SMARCC1: variants seen among roughly 807,000 people sequenced by gnomAD.
SMARCC1 encodes the protein SWI/SNF related BAF chromatin remodeling complex subunit C1.
In SMARCC1, 43 loss-of-function variants were observed where a neutral mutation model predicts 147.4. The ratio of observed to expected loss-of-function variants is 0.29; its 90% CI spans 0.23 to 0.38. The LOEUF (loss-of-function observed/expected upper bound fraction) is 0.38. Ranked by LOEUF, SMARCC1 falls within the 10% of genes least tolerant of loss-of-function variation. The probability of loss-of-function intolerance (pLI) is 1.00; values close to 1 mark genes in which losing one functional copy is unlikely to be tolerated. For synonymous variants in SMARCC1, 495 were observed against 484.4 expected, an observed-to-expected ratio of 1.02 and a Z score of -0.29; for missense variants, 1,119 against 1,381.1, an observed-to-expected ratio of 0.81 and a Z score of 3.01.
chr3:47,675,495 A>G lies in SMARCC1; in HGVS notation c.1819T>C (p.Ser607Pro). Reference protein sequence around the residue: ...QNFGLRTDIYSKKTLAKSKGA... With the variant: ...QNFGLRTDIYPKKTLAKSKGA... ...ATTACCTTTGCTAATGTTTTCTTGG[A>G]GTAAATGTCAGTACGGAGACCAAAG... is the stretch of plus-strand genomic sequence containing the variant. The change falls in exon 18 of 28, where the codon TCC becomes CCC. Residue 607 changes from serine to proline, a missense_variant. By Grantham distance (74) the Ser-to-Pro change is moderately conservative. Transcript: ENST00000254480. 6.3e-7 allele frequency: 1 copy of G among 1,598,248 alleles called. No individual in the cohort carries two copies. The highest frequency in any genetic ancestry group is 8.6e-7 in the Non-Finnish European group (1 of 1,165,578).
intron 7 of SMARCC1, among the ~76,000 whole-genome samples, chr3:47,715,868 C>T (rs2034149717): frequency 6.6e-6 from 1 of 152,110 alleles, no homozygotes; most frequent in African/African-American, 2.4e-5. Context: ...CCTCACTGTC[C>T]AGATATCCAT....
chr3:47,662,365 G>A lies in SMARCC1; in HGVS notation c.2127C>T (p.Arg709=), dbSNP rs371760215. The A allele has an allele frequency of 1.9e-5, 30 of 1,613,986 alleles. No homozygotes were observed. The highest frequency in any genetic ancestry group is 8.0e-5 in the African/African-American group (6 of 74,914). Residue 709 remains arginine (R), a synonymous_variant, in exon 20 of 28, where the codon CGC becomes CGT. Transcript: ENST00000254480. ...CCGCTTTTGCTGCAGCAGATGCCAC[G>A]CGAGGGTCCACCACAGATGCCAAAA... is the stretch of plus-strand genomic sequence containing the variant. ...VAFLASVVDP[R]VASAAAKAAL... is the part of the protein sequence containing the mutation.
intron 14 of SMARCC1, among the ~76,000 whole-genome samples, chr3:47,682,299 A>G (rs2033654791): frequency 6.6e-6 from 1 of 151,698 alleles, no homozygotes; most frequent in Non-Finnish European, 1.5e-5. Context: ...CGTTTCAAAA[A>G]AAAAAAAAAA....
rs951419621 is a variant in SMARCC1, at chr3:47,595,726, GTTTCTT to G, written c.3044-4895_3044-4890del. Among the ~76,000 whole-genome samples the G allele has an allele frequency of 1.6e-4, 24 of 149,450 alleles. 1 individual carries two copies. The South Asian group carries it at 5.1e-3, about 32-fold the overall frequency. On this transcript the variant is annotated intron_variant, in intron 26 of 27. Transcript: ENST00000254480. ...CTGTATTACACCGAGGCTTATAAAG[GTTTCTT>G]TTTCTTTTTCTTTTTTTTTGAGACG...
At chr3:47,661,924 T>TA (rs2033352316) in intron 20 of SMARCC1, among the ~76,000 whole-genome samples, 1 of 151,966 alleles carries the variant, frequency 6.6e-6, no homozygotes, top group Non-Finnish European at 1.5e-5. Flanking sequence ...AAATACACAA[T>TA]AAAAAACCTC....
At chr3:47,748,370 C>T (rs1000777925) in intron 2 of SMARCC1, among the ~76,000 whole-genome samples, 1 of 151,932 alleles carries the variant, frequency 6.6e-6, no homozygotes, top group Admixed American at 6.6e-5. Context: ...AGTGCCAATA[C>T]GCCTGGCTAA....
intron 5 of SMARCC1, among the ~76,000 whole-genome samples, chr3:47,731,452 G>GAA (rs2034373535): frequency 6.6e-6 from 1 of 152,136 alleles, no homozygotes; most frequent in South Asian, 2.1e-4. Context: ...GACCTCTGAT[G>GAA]AATCGCATGT....
intron 2 of SMARCC1, among the ~76,000 whole-genome samples, chr3:47,755,592 C>T (rs2034686818): frequency 1.3e-5 from 2 of 151,696 alleles, no homozygotes; most frequent in Admixed American, 1.3e-4. Flanking sequence ...GGCACGGTGG[C>T]TCATGCCTGT....
intron 26 of SMARCC1, among the ~76,000 whole-genome samples, chr3:47,600,445 C>T (rs1306149909): frequency 6.6e-6 from 1 of 152,120 alleles, no homozygotes; most frequent in Non-Finnish European, 1.5e-5. Flanking sequence ...GGTGATTTGA[C>T]AGTTATCTCT....
chr3:47,653,596 T>C (rs2033221386), intron 21 of SMARCC1, among the ~76,000 whole-genome samples: 1 of 152,244 alleles, frequency 6.6e-6, no homozygotes, highest in South Asian at 2.1e-4. Context: ...GACTTCCTAC[T>C]ACAATTTTGT....
intron 14 of SMARCC1, among the ~76,000 whole-genome samples, chr3:47,682,982 C>T (rs1423985405): frequency 6.6e-6 from 1 of 152,220 alleles, no homozygotes; most frequent in Admixed American, 6.5e-5. Flanking sequence ...AAGATATGCA[C>T]TTATTCTGTT....
intron 26 of SMARCC1, among the ~76,000 whole-genome samples, chr3:47,591,932 GATGAGAATCAT>G (rs1171148332): frequency 1.3e-5 from 2 of 152,224 alleles, no homozygotes; most frequent in Non-Finnish European, 2.9e-5. Flanking sequence ...TCATTTGAGA[GATGAGAATCAT>G]ATGAGAATCA....
intron 2 of SMARCC1, among the ~76,000 whole-genome samples, chr3:47,749,748 G>GAGAA (rs2034607426): frequency 8.2e-6 from 1 of 122,446 alleles, no homozygotes; most frequent in South Asian, 3.2e-4. Flanking sequence ...GAGAGAGAGA[G>GAGAA]AGAGAGAGAG....
chr3:47,756,511 C>A (rs888280558), intron 2 of SMARCC1, among the ~76,000 whole-genome samples: 8 of 98,620 alleles, frequency 8.1e-5, no homozygotes, highest in Non-Finnish European at 3.7e-5. Flanking sequence ...CCAGCCTGGG[C>A]AACAAGAGCG....
chr3:47,625,185 C>T (rs546273134), intron 24 of SMARCC1, among the ~76,000 whole-genome samples: 388 of 149,258 alleles, frequency 2.6e-3, no homozygotes, highest in Non-Finnish European at 4.7e-3. Context: ...TCTGGGCCGG[C>T]GCTGTGGCTC....
chr3:47,781,544 G>T, intron 1 of SMARCC1, 59 bp downstream of exon 1: 1 of 1,301,376 alleles, frequency 7.7e-7, no homozygotes, highest in Non-Finnish European at 1.0e-6. Context: ...CGCGAGGCCA[G>T]CTGCCGCCTC....
intron 7 of SMARCC1, among the ~76,000 whole-genome samples, chr3:47,714,712 TGAACCCAG>T (rs1270256872): frequency 1.3e-5 from 2 of 152,138 alleles, no homozygotes; most frequent in Admixed American, 1.3e-4. Flanking sequence ...AAGAATCGTT[TGAACCCAG>T]GAGGCAGAGG....
chr3:47,671,436 G>A (rs909725788), intron 18 of SMARCC1, among the ~76,000 whole-genome samples: 10 of 152,174 alleles, frequency 6.6e-5, no homozygotes, highest in South Asian at 6.2e-4. Flanking sequence ...TACTACACAC[G>A]TAAAACACTG....
Position 47,587,311 on chromosome 3 carries a change from T to TC in SMARCC1, c.*897_*898insG, listed in dbSNP as rs1553670119. Reference sequence around the variant, plus strand: ...GCAGTGAATAGTAGGCTAGACTCATTGGGGGTAATTACCCTAGACTCCTAA... The same window carrying TC: ...GCAGTGAATAGTAGGCTAGACTCATTCGGGGGTAATTACCCTAGACTCCTAA... On this transcript the variant is annotated 3_prime_UTR_variant, in exon 28 of 28. Coordinates refer to ENST00000254480, the MANE Select transcript of SMARCC1 (RefSeq NM_003074.4). The TC allele has an allele frequency of 1.3e-5, 2 of 152,176 alleles. No homozygotes were observed. The highest frequency in any genetic ancestry group is 2.9e-5 in the Non-Finnish European group (2 of 68,016). The allele number at this position is 152,176 out of a possible 1,614,324, so 9.4% of individuals were successfully genotyped here.
Sources: gnomAD v4.1 joint callset for allele counts (sites outside exome capture counted in the v4.1 genomes callset) on GRCh38, gnomAD v4.1.1 for gene constraint, MANE v1.5 for transcripts, NCBI Gene and HGNC (gene_info 2026-07-23, HGNC 2026-07-21) for gene names.